AGAP1: variants seen among roughly 807,000 people sequenced by gnomAD.
AGAP1 encodes the protein arf-GAP with GTPase, ANK repeat and PH domain-containing protein 1.
A neutral mutation model predicts 105.3 loss-of-function variants in AGAP1; 29 were observed. That is an observed-to-expected ratio of 0.28 (90% CI 0.21 to 0.38). The LOEUF (loss-of-function observed/expected upper bound fraction) is 0.38. Among genes scored for constraint, AGAP1 ranks in the 10% least tolerant of loss-of-function variants. The pLI is 1.00. For missense variants in AGAP1, 998 were observed against 1,165.1 expected, an observed-to-expected ratio of 0.86 and a Z score of 2.09; for synonymous variants, 509 against 485.9, an observed-to-expected ratio of 1.05 and a Z score of -0.63.
At chr2:235,564,556 C>T (rs1473393572) in intron 1 of AGAP1, among the ~76,000 whole-genome samples, 1 of 152,250 alleles carries the variant, frequency 6.6e-6, no homozygotes, top group Non-Finnish European at 1.5e-5. Context: ...GCCTGCCTGC[C>T]TTGAGCCTGA....
rs917508409 is a variant in AGAP1, at chr2:235,964,669, CT to C, written c.1484-3785del. Among the ~76,000 whole-genome samples the C allele has an allele frequency of 3.3e-5, 5 of 151,988 alleles. No individual in the cohort carries two copies. Among genetic ancestry groups the C allele is most frequent in the African/African-American group, 4.8e-5 (2 of 41,444 alleles). ...TAAATAAAAATTAATTAGGCTCGCC[CT>C]TTTTTTTCCAAGATATCTATAGCTT... On this transcript the variant is annotated intron_variant, in intron 12 of 17. Coordinates refer to ENST00000304032, the MANE Select transcript of AGAP1 (RefSeq NM_001037131.3). This position sits in a 1 kb window ranked among gnomAD's most constrained non-coding sequence, Gnocchi z 4.6.
Position 236,073,035 on chromosome 2 carries a change from C to G in AGAP1, c.2114+23754C>G, listed in dbSNP as rs940841113. Among the ~76,000 whole-genome samples, 3 of 151,244 alleles carry G rather than the reference C, an allele frequency of 2.0e-5. No individual in the cohort carries two copies. The highest frequency in any genetic ancestry group is 2.0e-4 in the Admixed American group (3 of 15,168). ...TTTTTCCTAGACAGTCTCGCTGTGT[C>G]TCCAGGCTGGAGTGCAGTGGTGCAA... On this transcript the variant is annotated intron_variant, in intron 16 of 17. Transcript: ENST00000304032. This position sits in a 1 kb window ranked among gnomAD's most constrained non-coding sequence, Gnocchi z 5.4.
rs537140828 is a variant in AGAP1, at chr2:236,056,066, C to T, written c.2114+6785C>T. ...AGCAATGCATCTAGTGAACCTCCAC[C>T]AGGGAGCTTGGTGGGAATCCAGGCA... On this transcript the variant is annotated intron_variant, in intron 16 of 17. Coordinates refer to ENST00000304032, the MANE Select transcript of AGAP1 (RefSeq NM_001037131.3). The surrounding 1 kb of genome is among the most constrained non-coding windows in gnomAD (Gnocchi z 4.6). 6.6e-6 allele frequency among the ~76,000 whole-genome samples: 1 copy of T among 152,310 alleles called. No homozygotes were observed. The highest frequency in any genetic ancestry group is 2.1e-4 in the South Asian group (1 of 4,822).
chr2:236,091,618 C>G (rs1195646785), intron 16 of AGAP1, among the ~76,000 whole-genome samples: 1 of 151,980 alleles, frequency 6.6e-6, no homozygotes, highest in Non-Finnish European at 1.5e-5. Flanking sequence ...CAAAAAAATA[C>G]AAAAATTAGC....
chr2:235,702,934 G>GTGTTTTTTTTTTTTTTTTTT (rs1553609552), intron 1 of AGAP1, among the ~76,000 whole-genome samples: 5 of 88,944 alleles, frequency 5.6e-5, no homozygotes, highest in African/African-American at 1.1e-4. Context: ...AGTTTTCTTG[G>GTGTTTTTTTTTTTTTTTTTT]TTTTTTTTTT....
chr2:235,932,877 A>G (rs536523405), intron 12 of AGAP1, among the ~76,000 whole-genome samples: 1 of 152,312 alleles, frequency 6.6e-6, no homozygotes, highest in African/African-American at 2.4e-5. Context: ...CATTGTCTGC[A>G]CGCATGCATT....
In AGAP1 at chr2:236,044,606, G is replaced by A. The variant is rs927522668; in HGVS notation, c.1891+3765G>A. On this transcript the variant is annotated intron_variant, in intron 15 of 17. Coordinates refer to ENST00000304032, the MANE Select transcript of AGAP1 (RefSeq NM_001037131.3). The surrounding 1 kb of genome is among the most constrained non-coding windows in gnomAD (Gnocchi z 5.7). ...CAGGCCTGCACACAAGAGGGGACTG[G>A]CACCCACCACTACCACCAGATAGCT... is the stretch of plus-strand genomic sequence containing the variant. 6.6e-6 allele frequency among the ~76,000 whole-genome samples: 1 copy of A among 151,988 alleles called. No individual in the cohort carries two copies. Among genetic ancestry groups the A allele is most frequent in the East Asian group, 1.9e-4 (1 of 5,170 alleles).
chr2:235,988,714 C>G lies in AGAP1; in HGVS notation c.1645+20091C>G, dbSNP rs751471596. ...ACGAGAAATGATTATTTTTTTCCCG[C>G]CGACTCCACTCTGGCCAAGACGAGC... On this transcript the variant is annotated intron_variant, in intron 13 of 17. Coordinates refer to ENST00000304032, the MANE Select transcript of AGAP1 (RefSeq NM_001037131.3). The surrounding 1 kb of genome is among the most constrained non-coding windows in gnomAD (Gnocchi z 4.7). Among the ~76,000 whole-genome samples, 5 of 152,122 alleles carry G rather than the reference C, an allele frequency of 3.3e-5. No individual in the cohort carries two copies. Among genetic ancestry groups the G allele is most frequent in the Non-Finnish European group, 2.9e-5 (2 of 68,020 alleles).
At chr2:235,686,663 ATATTTT>A (rs1949459008) in intron 1 of AGAP1, among the ~76,000 whole-genome samples, 34 of 59,744 alleles carry the variant, frequency 5.7e-4, no homozygotes, top group African/African-American at 2.9e-3. Flanking sequence ...ATATATATAT[ATATTTT>A]TTTTTTTTTT....
At chr2:235,580,018 TG>T (rs1944875994) in intron 1 of AGAP1, among the ~76,000 whole-genome samples, 1 of 152,240 alleles carries the variant, frequency 6.6e-6, no homozygotes, top group Admixed American at 6.5e-5. Context: ...CTTCTGTGAC[TG>T]GGTTCTTTCC....
rs780836377 is a variant in AGAP1, at chr2:235,494,785, G to C, written c.99G>C (p.Leu33=). ...VHPNIYSIYE[L]LERVEEPVLQ... is the part of the protein sequence containing the mutation. ...CCAACATCTACTCCATCTACGAGCTGCTGGAGCGCGTGGAGGAGCCGGTGC... is the reference window on the plus strand; with the variant it reads ...CCAACATCTACTCCATCTACGAGCTCCTGGAGCGCGTGGAGGAGCCGGTGC... Residue 33 remains leucine (L), a synonymous_variant, in exon 1 of 18, where the codon CTG becomes CTC. Coordinates refer to ENST00000304032, the MANE Select transcript of AGAP1 (RefSeq NM_001037131.3). The C allele has an allele frequency of 6.3e-7, 1 of 1,584,810 alleles. No individual in the cohort carries two copies. The highest frequency in any genetic ancestry group is 1.8e-5 in the Admixed American group (1 of 57,038).
chr2:235,773,976 TC>T (rs1264669902), intron 6 of AGAP1: 1 of 470,786 alleles, frequency 2.1e-6, no homozygotes, highest in South Asian at 1.6e-5. Flanking sequence ...CAACTTTTTT[TC>T]CCCCTCTAAG....
rs546720453 is a variant in AGAP1, at chr2:235,685,867, G to A, written c.164-23312G>A. On this transcript the variant is annotated intron_variant, in intron 1 of 17. Transcript: ENST00000304032. ...AGGTGGCCTGAGCACAGCTTGGTAC[G>A]TTTTAGGGAGACATGAGACACCAAT... Among the ~76,000 whole-genome samples, 62 of 152,204 alleles carry A rather than the reference G, an allele frequency of 4.1e-4. No individual in the cohort carries two copies. The South Asian group carries it at 0.012, about 29-fold the overall frequency.
At chr2:235,558,300 A>G (rs1944037022) in intron 1 of AGAP1, among the ~76,000 whole-genome samples, 2 of 151,378 alleles carry the variant, frequency 1.3e-5, no homozygotes, top group Admixed American at 1.3e-4. Flanking sequence ...CCTTCTCATC[A>G]CCTCTGTTGT....
rs13389509 is a variant in AGAP1 at position 235,705,986 on chromosome 2, T to C, written c.164-3193T>C. Among the ~76,000 whole-genome samples, 27,671 of 152,190 alleles carry C rather than the reference T, an allele frequency of 0.18. 2,821 individuals are homozygous for C. The highest frequency in any genetic ancestry group is 0.41 in the East Asian group (2,142 of 5,166). ...ATTTTAATTCACAGTTTACCCTCTT[T>C]GTTTTACTATTAAAGTTCATTTTTA... is the stretch of plus-strand genomic sequence containing the variant. On this transcript the variant is annotated intron_variant, in intron 1 of 17. Transcript: ENST00000304032. The surrounding 1 kb of genome is among the most constrained non-coding windows in gnomAD (Gnocchi z 4.9).
At chr2:235,910,018 C>CAA (rs35849910) in intron 11 of AGAP1, among the ~76,000 whole-genome samples, 1 of 149,444 alleles carries the variant, frequency 6.7e-6, no homozygotes, top group African/African-American at 2.5e-5. Flanking sequence ...GACTCTATCT[C>CAA]AAAAAAAAAA....
intron 6 of AGAP1, among the ~76,000 whole-genome samples, chr2:235,766,335 G>C (rs535790982): frequency 1.3e-5 from 2 of 152,306 alleles, no homozygotes; most frequent in South Asian, 2.1e-4. Context: ...TAGAAGGACC[G>C]TATGGCCCAT....
Position 235,867,011 on chromosome 2 carries a change from C to T in AGAP1, c.1051-16334C>T, listed in dbSNP as rs115666927. 0.01 allele frequency among the ~76,000 whole-genome samples: 1,540 copies of T among 152,288 alleles called. 34 individuals are homozygous for T. The highest frequency in any genetic ancestry group is 0.035 in the African/African-American group (1,458 of 41,560). ...GCACAATGCAGCCCATAATAGTCAT[C>T]GTCTAAGGGATGGGCGTCGGGGGGT... is the stretch of plus-strand genomic sequence containing the variant. On this transcript the variant is annotated intron_variant, in intron 9 of 17. Transcript: ENST00000304032. This position sits in a 1 kb window ranked among gnomAD's most constrained non-coding sequence, Gnocchi z 5.4.
Position 235,957,346 on chromosome 2 carries a change from G to A in AGAP1, c.1484-11116G>A, listed in dbSNP as rs934869674. On this transcript the variant is annotated intron_variant, in intron 12 of 17. Transcript: ENST00000304032. This position sits in a 1 kb window ranked among gnomAD's most constrained non-coding sequence, Gnocchi z 4.6. ...TCTCCTGTGTGTTCTCTTGGTTCTG[G>A]CTCCTCCTATTGTATTCCTTTCCTC... 4.6e-5 allele frequency among the ~76,000 whole-genome samples: 7 copies of A among 152,104 alleles called. No individual in the cohort carries two copies. The highest frequency in any genetic ancestry group is 1.0e-4 in the Non-Finnish European group (7 of 68,024).
Sources: allele counts gnomAD v4.1 joint callset (sites outside exome capture counted in the v4.1 genomes callset), GRCh38; gene constraint gnomAD v4.1.1; non-coding constraint Gnocchi (gnomAD v3.1); transcripts MANE v1.5; gene names NCBI Gene and HGNC (gene_info 2026-07-23, HGNC 2026-07-21).